The following NPAS3 variants were observed in gnomAD, a reference collection of about 807,000 sequenced individuals.
The protein encoded by NPAS3 is neuronal PAS domain-containing protein 3.
In NPAS3, 14 loss-of-function variants were observed where a neutral mutation model predicts 73.1. The observed-to-expected ratio is 0.19, with a 90% confidence interval of 0.13 to 0.30. The LOEUF is 0.30. Among genes scored for constraint, NPAS3 ranks in the 10% least tolerant of loss-of-function variants. NPAS3 has a pLI of 1.00. For missense variants in NPAS3, 1,096 were observed against 1,250.0 expected, an observed-to-expected ratio of 0.88 and a Z score of 1.86; for synonymous variants, 620 against 541.5, an observed-to-expected ratio of 1.14 and a Z score of -2.01.
chr14:33,141,150 T>A (rs750440866), intron 2 of NPAS3, among the ~76,000 whole-genome samples: 3 of 152,194 alleles, frequency 2.0e-5, no homozygotes, highest in Admixed American at 6.5e-5. Context: ...TGTCAAGAAT[T>A]TGACATGCCA....
chr14:33,032,881 T>G (rs1453587095), intron 1 of NPAS3, among the ~76,000 whole-genome samples: 1 of 152,216 alleles, frequency 6.6e-6, no homozygotes, highest in Non-Finnish European at 1.5e-5. Flanking sequence ...AATTTGATCT[T>G]GTGAGCTTGT....
chr14:33,411,816 C>G (rs1354465232), intron 4 of NPAS3, among the ~76,000 whole-genome samples: 1 of 152,114 alleles, frequency 6.6e-6, no homozygotes, highest in East Asian at 1.9e-4. Flanking sequence ...TCTAACCATT[C>G]TTTCAAGCTC....
At chr14:33,523,907 G>A (rs56057570) in intron 4 of NPAS3, among the ~76,000 whole-genome samples, 2 of 148,526 alleles carry the variant, frequency 1.3e-5, no homozygotes, top group Middle Eastern at 3.5e-3. Context: ...ACACACCTAC[G>A]CCTTGAGACA....
intron 3 of NPAS3, among the ~76,000 whole-genome samples, chr14:33,274,753 G>A (rs2041250983): frequency 6.6e-6 from 1 of 152,132 alleles, no homozygotes; most frequent in East Asian, 1.9e-4. Context: ...TTAGAGTTTA[G>A]GCAGGCTCTG....
chr14:33,590,480 G>A (rs1297297844), intron 5 of NPAS3, among the ~76,000 whole-genome samples: 1 of 152,086 alleles, frequency 6.6e-6, no homozygotes, highest in Non-Finnish European at 1.5e-5. Flanking sequence ...TTTGGGGGGT[G>A]GTTGGTTGAG....
chr14:33,567,092 G>A (rs1028709040), intron 5 of NPAS3, among the ~76,000 whole-genome samples: 8 of 152,154 alleles, frequency 5.3e-5, no homozygotes, highest in Non-Finnish European at 1.5e-5. Context: ...CTGTTGATCA[G>A]TAATCTTCCT....
At chr14:33,587,593 C>T (rs988461912) in intron 5 of NPAS3, among the ~76,000 whole-genome samples, 3 of 152,098 alleles carry the variant, frequency 2.0e-5, no homozygotes, top group Middle Eastern at 3.4e-3. Context: ...CCTCCTCCTC[C>T]TCTTCATTGT....
intron 4 of NPAS3, among the ~76,000 whole-genome samples, chr14:33,428,797 A>T (rs1015906320): frequency 2.0e-5 from 3 of 152,122 alleles, no homozygotes; most frequent in African/African-American, 7.2e-5. Flanking sequence ...TTTGTATAAG[A>T]TGAGCAATCT....
At chr14:33,481,809 G>A (rs1400535886) in intron 4 of NPAS3, among the ~76,000 whole-genome samples, 1 of 152,006 alleles carries the variant, frequency 6.6e-6, no homozygotes, top group Non-Finnish European at 1.5e-5. Context: ...AATAGGAGGT[G>A]GTTTGGGTTG....
chr14:33,236,561 C>G (rs1263793762), intron 3 of NPAS3, among the ~76,000 whole-genome samples: 2 of 151,988 alleles, frequency 1.3e-5, no homozygotes, highest in African/African-American at 4.8e-5. Flanking sequence ...ATATCAGGTG[C>G]AGTGTGAGTT....
chr14:33,400,097 T>C (rs538111351), intron 4 of NPAS3, among the ~76,000 whole-genome samples: 1 of 152,290 alleles, frequency 6.6e-6, no homozygotes, highest in East Asian at 1.9e-4. Flanking sequence ...TTACAGCTTC[T>C]GATAATTAAA....
At chr14:33,356,815 A>T (rs1156503183) in intron 3 of NPAS3, among the ~76,000 whole-genome samples, 3 of 152,276 alleles carry the variant, frequency 2.0e-5, no homozygotes, top group Non-Finnish European at 2.9e-5. Context: ...AGAAAGAAAC[A>T]TATTAAGAAC....
At chr14:33,775,277 G>A (rs928633269) in intron 8 of NPAS3, among the ~76,000 whole-genome samples, 27 of 152,282 alleles carry the variant, frequency 1.8e-4, no homozygotes, top group African/African-American at 6.5e-4. Flanking sequence ...CCGTGGAGAG[G>A]AGCCGCCCAC....
intron 5 of NPAS3, among the ~76,000 whole-genome samples, chr14:33,644,825 G>A (rs1000669655): frequency 6.6e-6 from 1 of 152,162 alleles, no homozygotes; most frequent in Non-Finnish European, 1.5e-5. Flanking sequence ...GCTCATGCCT[G>A]TAATCCCAGC....
chr14:33,658,515 C>A (rs1216173988), intron 5 of NPAS3, among the ~76,000 whole-genome samples: 1 of 152,172 alleles, frequency 6.6e-6, no homozygotes, highest in Non-Finnish European at 1.5e-5. Flanking sequence ...AAAACACGTT[C>A]TTTAAGCTAA....
chr14:33,577,630 G>A (rs1030218590), intron 5 of NPAS3, among the ~76,000 whole-genome samples: 1 of 152,152 alleles, frequency 6.6e-6, no homozygotes, highest in Non-Finnish European at 1.5e-5. Context: ...TTCAGAGGCC[G>A]TCATCCAGTA....
At chr14:33,299,029 G>A (rs371606604) in intron 3 of NPAS3, among the ~76,000 whole-genome samples, 5 of 152,262 alleles carry the variant, frequency 3.3e-5, no homozygotes, top group African/African-American at 1.2e-4. Context: ...CAAGGTAAAC[G>A]TAGCATTGTG....
intron 3 of NPAS3, among the ~76,000 whole-genome samples, chr14:33,250,744 T>G (rs771932499): frequency 2.6e-5 from 4 of 152,116 alleles, no homozygotes; most frequent in Non-Finnish European, 5.9e-5. Context: ...TTGCTCATTT[T>G]TCAGCCTTTG....
At chr14:33,673,142 C>T (rs1450987568) in intron 5 of NPAS3, among the ~76,000 whole-genome samples, 1 of 152,198 alleles carries the variant, frequency 6.6e-6, no homozygotes. Context: ...AGCCTCCTCC[C>T]TTCATGGTGT....
Sources: gnomAD v4.1 joint callset for allele counts (sites outside exome capture counted in the v4.1 genomes callset) on GRCh38, gnomAD v4.1.1 for gene constraint, MANE v1.5 for transcripts, NCBI Gene and HGNC (gene_info 2026-07-23, HGNC 2026-07-21) for gene names.